The following ZNF354A variants were observed in gnomAD, a reference collection of about 807,000 sequenced individuals.
ZNF354A encodes epididymis luminal protein 104.
A neutral mutation model predicts 53.3 loss-of-function variants in ZNF354A; 25 were observed. The ratio of observed to expected loss-of-function variants is 0.47; its 90% confidence interval spans 0.34 to 0.66. The LOEUF (loss-of-function observed/expected upper bound fraction) is 0.66. Among genes scored for constraint, ZNF354A ranks in the 30% least tolerant of loss-of-function variants. The pLI is 0.01. For missense variants in ZNF354A, 586 were observed against 716.8 expected, an observed-to-expected ratio of 0.82 and a Z score of 2.08; for synonymous variants, 228 against 249.0, an observed-to-expected ratio of 0.92 and a Z score of 0.79.
intron 4 of ZNF354A, among the ~76,000 whole-genome samples, chr5:178,720,029 A>G (rs1187042642): frequency 6.6e-6 from 1 of 152,186 alleles, no homozygotes; most frequent in Non-Finnish European, 1.5e-5. Context: ...ATCTGCTGGG[A>G]ACTGCACATA....
At chr5:178,723,823 C>A (rs909408401) in intron 4 of ZNF354A, among the ~76,000 whole-genome samples, 311 of 152,142 alleles carry the variant, frequency 2.0e-3, no homozygotes, top group Non-Finnish European at 2.0e-3. Flanking sequence ...CTCAGTCCCC[C>A]ACTGCCACGA....
In ZNF354A at chr5:178,712,278, T is replaced by A; in HGVS notation, c.1600A>T (p.Ser534Cys). 1 of 1,614,148 alleles carries A rather than the reference T, an allele frequency of 6.2e-7. No homozygotes were observed. The highest frequency in any genetic ancestry group is 8.5e-7 in the Non-Finnish European group (1 of 1,179,992). ...CEECGISFGQ[S>C]SALIQHRRIH... is the part of the protein sequence containing the mutation. ...CTTCGATGCTGAATAAGAGCTGAAC[T>A]TTGGCCAAAAGATATCCCACATTCC... The change falls in exon 5 of 5, where the codon AGT becomes TGT. Residue 534 changes from serine to cysteine, a missense_variant. By Grantham distance (112) the Ser-to-Cys change is moderately radical. This residue lies in a region of ZNF354A where 573 missense variants were observed against 680.1 expected (regional missense o/e 0.84). Transcript: ENST00000335815.
intron 4 of ZNF354A, among the ~76,000 whole-genome samples, chr5:178,721,668 C>G (rs1351094710): frequency 6.6e-6 from 1 of 152,012 alleles, no homozygotes; most frequent in East Asian, 1.9e-4. Context: ...CTTGGAGTGC[C>G]TTAGCTTTAG....
chr5:178,725,309 T>G, intron 4 of ZNF354A, 67 bp downstream of exon 4: 1 of 1,502,090 alleles, frequency 6.7e-7, no homozygotes. Flanking sequence ...CCAACCAACG[T>G]TCCTACCTCC....
chr5:178,724,068 C>T (rs1765860123), intron 4 of ZNF354A, among the ~76,000 whole-genome samples: 1 of 152,058 alleles, frequency 6.6e-6, no homozygotes, highest in African/African-American at 2.4e-5. Context: ...CGACTTCACT[C>T]ACATCTCAAG....
At chr5:178,719,456 C>T (rs993093445) in intron 4 of ZNF354A, among the ~76,000 whole-genome samples, 13 of 152,194 alleles carry the variant, frequency 8.5e-5, no homozygotes, top group African/African-American at 2.2e-4. Context: ...CAGCAGGACG[C>T]TGCTGGAGTG....
intron 2 of ZNF354A, among the ~76,000 whole-genome samples, chr5:178,728,689 T>C (rs113033094): frequency 0.35 from 52,130 of 147,262 alleles, 9,586 homozygotes; most frequent in Non-Finnish European, 0.4. Context: ...CCCAGCTACT[T>C]GGGAGGCTGA....
intron 1 of ZNF354A, among the ~76,000 whole-genome samples, chr5:178,730,013 G>C (rs962349295): frequency 1.3e-5 from 2 of 152,008 alleles, no homozygotes; most frequent in African/African-American, 4.8e-5. Flanking sequence ...ACAGGCGCCC[G>C]CCACTACGCC....
At chr5:178,726,249 A>G (rs1441475192) in intron 3 of ZNF354A, 7 of 456,052 alleles carry the variant, frequency 1.5e-5, no homozygotes, top group Non-Finnish European at 3.1e-5. Context: ...ATGGTGGGAA[A>G]AAAAAAGAGA....
intron 4 of ZNF354A, among the ~76,000 whole-genome samples, chr5:178,719,895 C>T (rs956891489): frequency 4.0e-5 from 6 of 151,290 alleles, no homozygotes; most frequent in East Asian, 1.9e-4. Context: ...TGCAGTGAGC[C>T]GAGATCCCGC....
rs539667926 is a variant in ZNF354A at position 178,727,000 on chromosome 5, C to T, written c.159G>A (p.Leu53=). The T allele has an allele frequency of 1.0e-5, 16 of 1,603,188 alleles. No individual in the cohort carries two copies. Among genetic ancestry groups the T allele is most frequent in the Middle Eastern group, 3.3e-4 (2 of 5,998 alleles). ...TTTCTAGAGGGAAAATTTCCTTACC[C>T]AGTGAGACCAGGTTCCTATAGTTCT... ...MLENYRNLVS[L]GLPFTKPKVI... The change falls in exon 3 of 5, where the codon CTG becomes CTA. Residue 53 remains leucine (L), a splice_region_variant and synonymous_variant. Transcript: ENST00000335815.
intron 3 of ZNF354A, among the ~76,000 whole-genome samples, chr5:178,726,591 T>C (rs191786702): frequency 1.3e-5 from 2 of 152,144 alleles, no homozygotes; most frequent in Non-Finnish European, 2.9e-5. Context: ...TGAGCCACCA[T>C]GCCCAGCCTA....
In ZNF354A at chr5:178,712,517, A is replaced by G. The variant is rs773959218; in HGVS notation, c.1361T>C (p.Ile454Thr). 17 of 1,614,068 alleles carry G rather than the reference A, an allele frequency of 1.1e-5. No individual in the cohort carries two copies. The highest frequency in any genetic ancestry group is 5.0e-5 in the Admixed American group (3 of 60,000). The part of the protein sequence containing the change: ...GKALSSHSTL[I>T]IHERIHTGEK... Reference sequence around the variant, plus strand: ...TCCAGTATGAATTCGCTCGTGAATAATAAGTGTTGAGTGGGAGCTTAAGGC... The same window carrying G: ...TCCAGTATGAATTCGCTCGTGAATAGTAAGTGTTGAGTGGGAGCTTAAGGC... Residue 454 changes from isoleucine to threonine, a missense_variant, in exon 5 of 5, where the codon ATT becomes ACT. Physicochemically the swap from Ile to Thr is moderately conservative, Grantham distance 89. This residue lies in a region of ZNF354A where 573 missense variants were observed against 680.1 expected (regional missense o/e 0.84). Transcript: ENST00000335815.
intron 1 of ZNF354A, among the ~76,000 whole-genome samples, chr5:178,729,755 C>G (rs1765992772): frequency 6.6e-6 from 1 of 151,702 alleles, no homozygotes; most frequent in Non-Finnish European, 1.5e-5. Context: ...CCGTGTTGCC[C>G]AGGCTGGTCT....
chr5:178,724,530 C>G (rs1033674973), intron 4 of ZNF354A, among the ~76,000 whole-genome samples: 5 of 152,144 alleles, frequency 3.3e-5, no homozygotes, highest in African/African-American at 1.2e-4. Flanking sequence ...CAGCGTTCTG[C>G]CTCACTTTCA....
intron 4 of ZNF354A, among the ~76,000 whole-genome samples, chr5:178,725,142 C>T (rs1406707339): frequency 6.6e-6 from 1 of 152,174 alleles, no homozygotes; most frequent in African/African-American, 2.4e-5. Flanking sequence ...ACTATGTTTG[C>T]TGAATGAATA....
chr5:178,717,102 CAAAA>C (rs1261914697), intron 4 of ZNF354A, among the ~76,000 whole-genome samples: 1 of 122,312 alleles, frequency 8.2e-6, no homozygotes, highest in African/African-American at 2.9e-5. Flanking sequence ...AAAAAGTAAA[CAAAA>C]AATAAAAAAC....
rs372618100 is a variant in ZNF354A, at chr5:178,719,851, G to A, written c.256+5525C>T. Among the ~76,000 whole-genome samples the A allele has an allele frequency of 1.7e-3, 260 of 151,960 alleles. 1 individual carries two copies. The highest frequency in any genetic ancestry group is 5.9e-3 in the African/African-American group (245 of 41,472). On this transcript the variant is annotated intron_variant, in intron 4 of 4. Transcript: ENST00000335815. ...AGTCCCAGCTACTTGGGAGGCTGAG[G>A]CAGGAGAATGGCGTGAACCCGGGAG... is the stretch of plus-strand genomic sequence containing the variant.
rs372495165 is a variant in ZNF354A at position 178,716,395 on chromosome 5, C to T, written c.257-2774G>A. On this transcript the variant is annotated intron_variant, in intron 4 of 4. Coordinates refer to ENST00000335815, the MANE Select transcript of ZNF354A (RefSeq NM_005649.3). ...CTTCCCTGGCTTCTTGCCAGGTATG[C>T]TGAACTACATGCAGCTTCAGGAGCA... 3.9e-5 allele frequency among the ~76,000 whole-genome samples: 6 copies of T among 152,312 alleles called. No homozygotes were observed. In the East Asian group the frequency reaches 1.2e-3, roughly 29 times the overall value.
Sources: gnomAD v4.1 joint callset for allele counts (sites outside exome capture counted in the v4.1 genomes callset) on GRCh38, gnomAD v4.1.1 for gene constraint, gnomAD v4.1.1 regional missense constraint, MANE v1.5 for transcripts, NCBI Gene and HGNC (gene_info 2026-07-23, HGNC 2026-07-21) for gene names.